Variants in NHSL3 observed in about 807,000 individuals in gnomAD.
The protein encoded by NHSL3 is NHS like 3.
chr1:32,767,686 G>A, the NHSL3 span: 17 of 970,596 alleles, frequency 1.8e-5, no homozygotes, highest in Middle Eastern at 2.2e-4. Context: ...TGCAATGGCC[G>A]TGTGCAGTCT....
the NHSL3 span, among the ~76,000 whole-genome samples, chr1:32,769,232 C>T: frequency 2.6e-5 from 4 of 151,166 alleles, no homozygotes; most frequent in East Asian, 1.9e-4. Flanking sequence ...CCAGCCTGGT[C>T]GACAGTGTGA....
chr1:32,752,484 A>G, the NHSL3 span, among the ~76,000 whole-genome samples: 1 of 152,104 alleles, frequency 6.6e-6, no homozygotes, highest in Non-Finnish European at 1.5e-5. Flanking sequence ...GGTAAAGAAG[A>G]GTTATTGCCC....
the NHSL3 span, among the ~76,000 whole-genome samples, chr1:32,744,955 G>A: frequency 4.0e-5 from 6 of 151,760 alleles, no homozygotes; most frequent in African/African-American, 9.7e-5. Context: ...GTGAAACCCC[G>A]TCTCTACTAA....
chr1:32,755,481 A>G, the NHSL3 span, among the ~76,000 whole-genome samples: 20 of 152,226 alleles, frequency 1.3e-4, no homozygotes, highest in East Asian at 3.5e-3. Flanking sequence ...TCTCCTCTCA[A>G]TGAGGCTGTG....
At chr1:32,762,978 ATTT>A in the NHSL3 span, among the ~76,000 whole-genome samples, 3 of 126,156 alleles carry the variant, frequency 2.4e-5, no homozygotes, top group Admixed American at 8.1e-5. Flanking sequence ...CTAGCCTGGA[ATTT>A]TTTTTTTTTT....
the NHSL3 span, among the ~76,000 whole-genome samples, chr1:32,763,621 G>A: frequency 1.3e-5 from 2 of 152,094 alleles, no homozygotes; most frequent in South Asian, 4.2e-4. Context: ...GCCCAGACTG[G>A]AGTGCAGTAG....
the NHSL3 span, among the ~76,000 whole-genome samples, chr1:32,747,452 C>T: frequency 2.6e-5 from 4 of 152,094 alleles, no homozygotes; most frequent in African/African-American, 7.2e-5. Flanking sequence ...GGATTACAGG[C>T]GTGAGCTACC....
At chr1:32,772,149 G>T in the NHSL3 span, 1 of 1,613,310 alleles carries the variant, frequency 6.2e-7, no homozygotes, top group Non-Finnish European at 8.5e-7. Context: ...TGTCCCCTGA[G>T]ACCCAGGCTG....
the NHSL3 span, among the ~76,000 whole-genome samples, chr1:32,756,529 T>C: frequency 8.1e-6 from 1 of 122,764 alleles, no homozygotes; most frequent in African/African-American, 3.1e-5. Flanking sequence ...TGGTGGCACA[T>C]GTGCCTTTGG....
chr1:32,770,778 G>A, the NHSL3 span: 4 of 1,582,840 alleles, frequency 2.5e-6, no homozygotes, highest in South Asian at 4.5e-5. The surrounding 1 kb of genome is among the most constrained non-coding windows in gnomAD (Gnocchi z 8.3). Flanking sequence ...AGCCCCAGCT[G>A]CCTCGGCCAC....
At chr1:32,759,022 T>C in the NHSL3 span, among the ~76,000 whole-genome samples, 1 of 152,120 alleles carries the variant, frequency 6.6e-6, no homozygotes, top group Non-Finnish European at 1.5e-5. Context: ...TGAAGAGAGC[T>C]GGAGTGGTGG....
At chr1:32,746,001 C>T in the NHSL3 span, among the ~76,000 whole-genome samples, 62 of 152,062 alleles carry the variant, frequency 4.1e-4, no homozygotes, top group African/African-American at 1.3e-3. Context: ...GAGGCTGAGG[C>T]GGGCGGATCA....
chr1:32,755,584 AG>A, the NHSL3 span, among the ~76,000 whole-genome samples: 323 of 152,290 alleles, frequency 2.1e-3, 2 homozygotes, highest in African/African-American at 7.6e-3. Flanking sequence ...CAGGGGCCCT[AG>A]GTGACTTCTT....
chr1:32,774,559 A>C, the NHSL3 span: 3 of 152,374 alleles, frequency 2.0e-5, no homozygotes, highest in African/African-American at 7.2e-5. Flanking sequence ...AAGCTGCATG[A>C]AACCAGGCCC....
At chr1:32,756,520 G>T in the NHSL3 span, among the ~76,000 whole-genome samples, 1 of 145,340 alleles carries the variant, frequency 6.9e-6, no homozygotes, top group African/African-American at 2.6e-5. Flanking sequence ...ATCTGGGCGT[G>T]GTGGCACATG....
At chr1:32,768,042 A>G in the NHSL3 span, 1 of 1,613,490 alleles carries the variant, frequency 6.2e-7, no homozygotes, top group South Asian at 1.1e-5. Context: ...AACCCAACAG[A>G]CCCTTCTGGT....
chr1:32,756,580 GC>G, the NHSL3 span, among the ~76,000 whole-genome samples: 1 of 143,506 alleles, frequency 7.0e-6, no homozygotes, highest in Non-Finnish European at 1.5e-5. Flanking sequence ...GATTACGTGA[GC>G]CTGGGAGGTC....
At chr1:32,753,470 G>A in the NHSL3 span, among the ~76,000 whole-genome samples, 1 of 151,822 alleles carries the variant, frequency 6.6e-6, no homozygotes, top group South Asian at 2.1e-4. Flanking sequence ...GGGTGACAGC[G>A]AGACTTGGTC....
chr1:32,770,321 G>C, the NHSL3 span: 1 of 1,612,190 alleles, frequency 6.2e-7, no homozygotes, highest in Non-Finnish European at 8.5e-7. This position sits in a 1 kb window ranked among gnomAD's most constrained non-coding sequence, Gnocchi z 8.3. Context: ...AGCCGCTGCA[G>C]CCTGCACTCG....
Sources: gnomAD v4.1 joint callset for allele counts (sites outside exome capture counted in the v4.1 genomes callset) on GRCh38, gnomAD v4.1.1 for gene constraint, Gnocchi (gnomAD v3.1) non-coding constraint, MANE v1.5 for transcripts, NCBI Gene and HGNC (gene_info 2026-07-23, HGNC 2026-07-21) for gene names.